The following ZNG1A variants were observed in gnomAD, a reference collection of about 807,000 sequenced individuals.
ZNG1A encodes Zn regulated GTPase metalloprotein activator 1A.
At chr9:178,612 G>T in the ZNG1A span, among the ~76,000 whole-genome samples, 2 of 109,398 alleles carry the variant, frequency 1.8e-5, no homozygotes, top group African/African-American at 5.5e-5. Context: ...TGAGAAATGG[G>T]AATCTAACGC....
At chr9:147,869 T>G in the ZNG1A span, 1 of 147,096 alleles carries the variant, frequency 6.8e-6, no homozygotes, top group African/African-American at 2.6e-5. Flanking sequence ...CTACTAAAAA[T>G]ACAAAAATTA....
the ZNG1A span, among the ~76,000 whole-genome samples, chr9:131,802 C>G: frequency 1.3e-5 from 2 of 149,982 alleles, no homozygotes; most frequent in African/African-American, 2.5e-5. Context: ...CGCATGGTCT[C>G]CGGACTCTAA....
the ZNG1A span, among the ~76,000 whole-genome samples, chr9:178,531 T>G: frequency 4.5e-5 from 5 of 110,698 alleles, no homozygotes; most frequent in African/African-American, 1.4e-4. Context: ...TGGTAAGAGG[T>G]CACAGAGACA....
the ZNG1A span, chr9:171,734 A>T: frequency 3.4e-6 from 1 of 296,184 alleles, no homozygotes; most frequent in African/African-American, 2.3e-5. Context: ...AGATTCCGGA[A>T]CTAATACCCC....
At chr9:141,626 G>C in the ZNG1A span, among the ~76,000 whole-genome samples, 1 of 151,036 alleles carries the variant, frequency 6.6e-6, no homozygotes, top group Admixed American at 6.6e-5. Flanking sequence ...GGAAGAAACT[G>C]CATCAACTAA....
chr9:140,019 CA>C, the ZNG1A span, among the ~76,000 whole-genome samples: 1 of 150,438 alleles, frequency 6.6e-6, no homozygotes, highest in Non-Finnish European at 1.5e-5. Context: ...CCCACGCCCA[CA>C]GAGTCTCGCT....
the ZNG1A span, chr9:154,315 A>C: frequency 2.6e-5 from 8 of 312,182 alleles, no homozygotes; most frequent in Non-Finnish European, 4.6e-5. Flanking sequence ...AACAAGAAAG[A>C]ACTCAGGGAT....
At chr9:126,997 C>G in the ZNG1A span, among the ~76,000 whole-genome samples, 1 of 151,972 alleles carries the variant, frequency 6.6e-6, no homozygotes, top group East Asian at 1.9e-4. Flanking sequence ...TTGAAGGTTC[C>G]TTTTGGAGTT....
the ZNG1A span, among the ~76,000 whole-genome samples, chr9:176,508 T>C: frequency 2.0e-4 from 30 of 152,166 alleles, no homozygotes; most frequent in South Asian, 2.1e-3. Flanking sequence ...CATTAAGTTT[T>C]CTAGTATATA....
At chr9:143,259 C>G in the ZNG1A span, among the ~76,000 whole-genome samples, 1 of 148,306 alleles carries the variant, frequency 6.7e-6, no homozygotes, top group African/African-American at 2.5e-5. Flanking sequence ...AATTTTAGAC[C>G]AATATCCTTG....
At chr9:139,746 G>C in the ZNG1A span, among the ~76,000 whole-genome samples, 9 of 151,708 alleles carry the variant, frequency 5.9e-5, no homozygotes, top group African/African-American at 1.7e-4. Flanking sequence ...TTCCATCTGA[G>C]GTACCGGGTT....
At chr9:178,914 C>T in the ZNG1A span, 3 of 1,141,190 alleles carry the variant, frequency 2.6e-6, 1 homozygote, top group East Asian at 5.0e-5. Context: ...CAATTCAGGA[C>T]AATCCTCCTC....
the ZNG1A span, chr9:153,874 C>G: frequency 1.3e-5 from 2 of 151,906 alleles, no homozygotes; most frequent in African/African-American, 4.8e-5. Flanking sequence ...AGCCATCACG[C>G]TCAAAGCATT....
the ZNG1A span, among the ~76,000 whole-genome samples, chr9:170,445 G>C: frequency 1.3e-5 from 2 of 150,700 alleles, no homozygotes; most frequent in African/African-American, 2.5e-5. Context: ...GAGTGCAGTG[G>C]CGTGATCTCG....
At chr9:139,774 C>T in the ZNG1A span, among the ~76,000 whole-genome samples, 4 of 151,626 alleles carry the variant, frequency 2.6e-5, no homozygotes, top group East Asian at 5.9e-4. Flanking sequence ...CTAGGGAGTG[C>T]CAGACAGTGG....
chr9:125,257 A>G, the ZNG1A span, among the ~76,000 whole-genome samples: 1 of 150,696 alleles, frequency 6.6e-6, no homozygotes, highest in African/African-American at 2.5e-5. Context: ...TTCTTGCAGA[A>G]GTAAGGTGGT....
chr9:161,538 A>C, the ZNG1A span: 6 of 1,280,762 alleles, frequency 4.7e-6, no homozygotes, highest in South Asian at 7.4e-5. Flanking sequence ...TAATTTTTAA[A>C]CACTGAATTT....
chr9:127,138 C>A, the ZNG1A span, among the ~76,000 whole-genome samples: 1 of 152,024 alleles, frequency 6.6e-6, no homozygotes, highest in Non-Finnish European at 1.5e-5. Context: ...TGCTGTTGAA[C>A]AGAACGTATA....
chr9:146,126 G>A, the ZNG1A span: 4 of 1,570,242 alleles, frequency 2.5e-6, no homozygotes, highest in East Asian at 9.0e-5. Flanking sequence ...ACTATCAAAG[G>A]CATGAAGATC....
Sources: allele counts gnomAD v4.1 joint callset (sites outside exome capture counted in the v4.1 genomes callset), GRCh38; gene constraint gnomAD v4.1.1; transcripts MANE v1.5; gene names NCBI Gene and HGNC (gene_info 2026-07-23, HGNC 2026-07-21).